The following CRK variants were observed in gnomAD, a reference collection of about 807,000 sequenced individuals.
CRK encodes the protein CRK proto-oncogene, adaptor protein, also known as adapter molecule crk.
CRK carries 4 observed loss-of-function variants against 29.8 expected under a neutral mutation model. That is an observed-to-expected ratio of 0.13 (90% CI 0.07 to 0.31). The LOEUF (loss-of-function observed/expected upper bound fraction) is 0.31, where lower values mean the gene tolerates loss of function less well. CRK is among the 10% of genes least tolerant of loss of function. CRK has a pLI of 1.00. For synonymous variants in CRK, 153 were observed against 164.9 expected, an observed-to-expected ratio of 0.93 and a Z score of 0.55; for missense variants, 274 against 396.5, an observed-to-expected ratio of 0.69 and a Z score of 2.62.
intron 1 of CRK, among the ~76,000 whole-genome samples, chr17:1,441,584 C>G (rs981448498): frequency 6.6e-6 from 1 of 151,170 alleles, no homozygotes; most frequent in Non-Finnish European, 1.5e-5. Context: ...CTCCACCTCC[C>G]GGGTTCAAGC....
intron 2 of CRK, among the ~76,000 whole-genome samples, chr17:1,433,196 T>A (rs190931479): frequency 5.9e-5 from 9 of 152,310 alleles, no homozygotes; most frequent in Admixed American, 1.3e-4. Context: ...ATGGTATCAA[T>A]GTTTGGAATT....
intron 2 of CRK, among the ~76,000 whole-genome samples, chr17:1,425,367 C>T (rs1598291766): frequency 6.6e-6 from 1 of 152,108 alleles, no homozygotes; most frequent in Non-Finnish European, 1.5e-5. Flanking sequence ...GCTATGATTA[C>T]AGGTGTGAGC....
chr17:1,436,651 T>C lies in CRK; in HGVS notation c.746A>G (p.Asn249Ser), dbSNP rs753987675. The C allele has an allele frequency of 3.7e-5, 59 of 1,610,850 alleles. No homozygotes were observed. The highest frequency in any genetic ancestry group is 1.7e-4 in the South Asian group (15 of 90,754). Reference sequence around the variant, plus strand: ...AGCCAAGGCTGTCTTGTCGTAGGCATTGGGGACTCGCTTCTGGATAACCCT... The same window carrying C: ...AGCCAAGGCTGTCTTGTCGTAGGCACTGGGGACTCGCTTCTGGATAACCCT... ...YARVIQKRVP[N>S]AYDKTALALE... Residue 249 changes from asparagine (N) to serine (S), a missense_variant, in exon 2 of 3, where the codon AAT becomes AGT. Physicochemically the swap from Asn to Ser is conservative, Grantham distance 46 (BLOSUM62 1). This residue lies in a region of CRK where 121 missense variants were observed against 154.3 expected (regional missense o/e 0.78). Transcript: ENST00000300574.
At chr17:1,428,653 A>G (rs2073805811) in intron 2 of CRK, among the ~76,000 whole-genome samples, 1 of 148,344 alleles carries the variant, frequency 6.7e-6, no homozygotes, top group African/African-American at 2.5e-5. Flanking sequence ...CCTCCTGAGT[A>G]GCTGGGACTA....
chr17:1,432,763 C>T (rs1463031346), intron 2 of CRK, among the ~76,000 whole-genome samples: 4 of 141,918 alleles, frequency 2.8e-5, no homozygotes, highest in African/African-American at 5.3e-5. Flanking sequence ...GGCAACAAAG[C>T]GAGACTCCGT....
intron 1 of CRK, among the ~76,000 whole-genome samples, chr17:1,439,217 T>G (rs2073915213): frequency 6.6e-6 from 1 of 152,128 alleles, no homozygotes; most frequent in Non-Finnish European, 1.5e-5. Context: ...TGCCTCAGCC[T>G]CCCGAGTAGC....
chr17:1,433,681 G>A (rs1375240294), intron 2 of CRK, among the ~76,000 whole-genome samples: 1 of 151,702 alleles, frequency 6.6e-6, no homozygotes, highest in African/African-American at 2.4e-5. Flanking sequence ...ACCACGCCTG[G>A]CTAATTTTTG....
At chr17:1,430,928 C>T (rs529659254) in intron 2 of CRK, among the ~76,000 whole-genome samples, 6 of 151,632 alleles carry the variant, frequency 4.0e-5, no homozygotes, top group Admixed American at 2.6e-4. Flanking sequence ...ATTAACCGGG[C>T]GTGGTAGCAG....
chr17:1,434,545 G>A (rs1220473286), intron 2 of CRK, among the ~76,000 whole-genome samples: 1 of 152,184 alleles, frequency 6.6e-6, no homozygotes, highest in Non-Finnish European at 1.5e-5. Flanking sequence ...CACTTTGGGA[G>A]GCTGAGGCGG....
rs2150917276 is a variant in CRK, at chr17:1,455,893, G to A, written c.225C>T (p.Pro75=). Residue 75 remains proline (P), a synonymous_variant, in exon 1 of 3, where the codon CCC becomes CCT. Transcript: ENST00000300574. ...SGPRPPVPPS[P]AQPPPGVSPS... ...GTCCCTCACCGGGCGGAGGCTGGGC[G>A]GGCGACGGTGGCACCGGCGGGCGCG... The A allele has an allele frequency of 6.3e-7, 1 of 1,588,410 alleles. No individual in the cohort carries two copies. Among genetic ancestry groups the A allele is most frequent in the Non-Finnish European group, 8.6e-7 (1 of 1,169,474 alleles).
At chr17:1,439,541 A>T (rs1426247782) in intron 1 of CRK, among the ~76,000 whole-genome samples, 1 of 152,168 alleles carries the variant, frequency 6.6e-6, no homozygotes, top group Non-Finnish European at 1.5e-5. Context: ...ACAACTAGTA[A>T]ACATTCTCCA....
intron 2 of CRK, among the ~76,000 whole-genome samples, chr17:1,433,129 A>T (rs1288926924): frequency 6.6e-6 from 1 of 152,228 alleles, no homozygotes; most frequent in African/African-American, 2.4e-5. Flanking sequence ...CAGGAACAAA[A>T]GATTACCCAG....
intron 1 of CRK, among the ~76,000 whole-genome samples, chr17:1,442,325 T>C (rs976897352): frequency 1.3e-5 from 2 of 151,848 alleles, no homozygotes; most frequent in African/African-American, 4.8e-5. Flanking sequence ...CCAGTTTTTG[T>C]ATTTTTTGTG....
In CRK at chr17:1,451,877, C is replaced by T. The variant is rs951859077; in HGVS notation, c.241+4000G>A. ...GCACATGCCTGTAATCCCAGCTACT[C>T]GGGAGGCTGAGGCAGGAGAATCACT... On this transcript the variant is annotated intron_variant, in intron 1 of 2. Coordinates refer to ENST00000300574, the MANE Select transcript of CRK (RefSeq NM_016823.4). 5.3e-5 allele frequency among the ~76,000 whole-genome samples: 8 copies of T among 151,978 alleles called. No homozygotes were observed. In the South Asian group the frequency reaches 6.2e-4, roughly 12 times the overall value.
chr17:1,437,880 G>A (rs958314999), intron 1 of CRK, among the ~76,000 whole-genome samples: 1 of 147,996 alleles, frequency 6.8e-6, no homozygotes, highest in East Asian at 2.0e-4. Flanking sequence ...TGGCCAGGCT[G>A]GTCTCAAACT....
intron 1 of CRK, among the ~76,000 whole-genome samples, chr17:1,453,588 T>C (rs937071674): frequency 9.2e-5 from 14 of 152,222 alleles, no homozygotes; most frequent in African/African-American, 3.1e-4. Context: ...TGTGAGCTTA[T>C]AGACCCCATA....
chr17:1,444,612 T>C (rs2073960179), intron 1 of CRK, among the ~76,000 whole-genome samples: 1 of 129,226 alleles, frequency 7.7e-6, no homozygotes, highest in Non-Finnish European at 1.7e-5. Flanking sequence ...GGGGATCACC[T>C]GAGATCGGGA....
At chr17:1,425,711 T>A (rs1172622025) in intron 2 of CRK, among the ~76,000 whole-genome samples, 3 of 152,262 alleles carry the variant, frequency 2.0e-5, no homozygotes, top group Non-Finnish European at 4.4e-5. Flanking sequence ...GCAGGGCCTC[T>A]TCCAGGCCCA....
chr17:1,444,838 G>GA lies in CRK; in HGVS notation c.242-7684dup, dbSNP rs71148484. Reference sequence around the variant, plus strand: ...ACAAGAGCAGAACTCCATCTCAAAAGAAAAAAAAAAAAAAAAGAATGGCAT... The same window carrying GA: ...ACAAGAGCAGAACTCCATCTCAAAAGAAAAAAAAAAAAAAAAAGAATGGCAT... On this transcript the variant is annotated intron_variant, in intron 1 of 2. Transcript: ENST00000300574. Among the ~76,000 whole-genome samples the GA allele has an allele frequency of 9.8e-4, 123 of 125,674 alleles. 1 individual carries two copies. Among genetic ancestry groups the GA allele is most frequent in the East Asian group, 2.2e-3 (9 of 4,124 alleles). 82.4% of individuals were successfully genotyped at this position (125,674 alleles called of 152,430 possible).
Sources: gnomAD v4.1 joint callset for allele counts (sites outside exome capture counted in the v4.1 genomes callset) on GRCh38, gnomAD v4.1.1 for gene constraint, gnomAD v4.1.1 regional missense constraint, MANE v1.5 for transcripts, NCBI Gene and HGNC (gene_info 2026-07-23, HGNC 2026-07-21) for gene names.